The following SPINT1 variants were observed in gnomAD, a reference collection of about 807,000 sequenced individuals.
SPINT1 encodes kunitz-type protease inhibitor 1.
A neutral mutation model predicts 53.7 loss-of-function variants in SPINT1; 38 were observed. The ratio of observed to expected loss-of-function variants is 0.71; its 90% CI spans 0.55 to 0.93. The LOEUF (loss-of-function observed/expected upper bound fraction) is 0.93, where lower values mean the gene tolerates loss of function less well. Ranked by LOEUF, SPINT1 falls within the 40% of genes least tolerant of loss-of-function variation. The probability of loss-of-function intolerance (pLI) is 0.00; values close to 1 mark genes in which losing one functional copy is unlikely to be tolerated. For synonymous variants in SPINT1, 283 were observed against 280.6 expected (o/e 1.01, Z -0.08); for missense variants, 645 against 692.9 (o/e 0.93, Z 0.78).
chr15:40,854,398 G>A lies in SPINT1; in HGVS notation c.942G>A (p.Val314=), dbSNP rs770379397. 1.3e-6 allele frequency: 2 copies of A among 1,580,868 alleles called. No homozygotes were observed. Among genetic ancestry groups the A allele is most frequent in the South Asian group, 1.2e-5 (1 of 86,358 alleles). Residue 314 remains valine (V), a splice_region_variant and synonymous_variant, in exon 7 of 11, where the codon GTG becomes GTA. Transcript: ENST00000562057. ...CTGACCTCCCTTCCACCCGTCCAGT[G>A]TGCTCTGGCACCTGTCAGCCCACCC... ...QGPSMERRHP[V]CSGTCQPTQF...
At chr15:40,848,923 G>C (rs965594057) in intron 2 of SPINT1, among the ~76,000 whole-genome samples, 1 of 150,996 alleles carries the variant, frequency 6.6e-6, no homozygotes, top group Non-Finnish European at 1.5e-5. Context: ...TGTACCTTTT[G>C]GTTTTGGTTT....
At chr15:40,845,318 ATTTTTTTTT>A (rs34480117) in intron 2 of SPINT1, among the ~76,000 whole-genome samples, 10 of 58,200 alleles carry the variant, frequency 1.7e-4, no homozygotes, top group East Asian at 6.0e-4. Context: ...GACCCGGCTA[ATTTTTTTTT>A]TTTTTTTTTT....
At position 40,853,783 on chromosome 15, in the gene SPINT1, A is replaced by G; in HGVS notation, c.815A>G (p.Glu272Gly). ...CCACGCTGGTACTATGACCCCACGGAGCAGATCTGCAAGAGTTTCGTTTAT... is the reference window on the plus strand; with the variant it reads ...CCACGCTGGTACTATGACCCCACGGGGCAGATCTGCAAGAGTTTCGTTTAT... ...SFPRWYYDPT[E>G]QICKSFVYGG... The change falls in exon 5 of 11, where the codon GAG becomes GGG. Residue 272 changes from glutamate (E) to glycine (G), a missense_variant. Glu to Gly is a moderately conservative substitution (Grantham distance 98, BLOSUM62 -2). Coordinates refer to ENST00000562057, the MANE Select transcript of SPINT1 (RefSeq NM_003710.4). 1 of 1,614,180 alleles carries G rather than the reference A, an allele frequency of 6.2e-7. No individual in the cohort carries two copies. The highest frequency in any genetic ancestry group is 8.5e-7 in the Non-Finnish European group (1 of 1,180,034).
intron 2 of SPINT1, among the ~76,000 whole-genome samples, chr15:40,850,159 G>A (rs765564477): frequency 6.6e-6 from 1 of 152,036 alleles, no homozygotes; most frequent in Non-Finnish European, 1.5e-5. Flanking sequence ...CCACAACTCC[G>A]CCTCCTGAGT....
In SPINT1 at chr15:40,858,056, G is replaced by A. The variant is rs1891710412; in HGVS notation, c.*1081G>A. 2.0e-5 allele frequency: 3 copies of A among 152,038 alleles called. No homozygotes were observed. The South Asian group carries it at 6.2e-4, about 31-fold the overall frequency. 9.4% of individuals were successfully genotyped at this position (152,038 alleles called of 1,614,324 possible). ...CTGTCTCCCTCCCAACAGAAGCCCT[G>A]GCTTCTGCGCTGGAGTGCAGCACCC... On this transcript the variant is annotated 3_prime_UTR_variant, in exon 11 of 11. Coordinates refer to ENST00000562057, the MANE Select transcript of SPINT1 (RefSeq NM_003710.4).
Position 40,844,574 on chromosome 15 carries a change from T to A in SPINT1, c.20T>A (p.Met7Lys). ...AAGGCGATGGCCCCTGCGAGGACGA[T>A]GGCCCGCGCCCGCCTCGCCCCGGCC... is the stretch of plus-strand genomic sequence containing the variant. MAPART[M>K]ARARLAPAGI... Residue 7 changes from methionine (M) to lysine (K), a missense_variant, in exon 2 of 11, where the codon ATG (methionine) becomes AAG (lysine). Physicochemically the swap from Met to Lys is moderately conservative, Grantham distance 95. Transcript: ENST00000562057. This position sits in a 1 kb window ranked among gnomAD's most constrained non-coding sequence, Gnocchi z 5.8. The A allele has an allele frequency of 6.2e-7, 1 of 1,609,932 alleles. No individual in the cohort carries two copies. The highest frequency in any genetic ancestry group is 1.1e-5 in the South Asian group (1 of 90,966).
chr15:40,845,129 G>C, intron 2 of SPINT1, 100 bp downstream of exon 2: 1 of 966,746 alleles, frequency 1.0e-6, no homozygotes, highest in African/African-American at 1.7e-5. Flanking sequence ...GTTAAGGAGA[G>C]TTCACTTTTT....
At chr15:40,854,128 C>A in intron 6 of SPINT1, 42 bp downstream of exon 6, 1 of 1,519,302 alleles carries the variant, frequency 6.6e-7, no homozygotes, top group Non-Finnish European at 8.8e-7. Context: ...CCCACCACAT[C>A]TCTAGCCCAT....
rs145193299 is a variant in SPINT1 at position 40,853,915 on chromosome 15, C to T, written c.913+34C>T. The T allele has an allele frequency of 1.8e-4, 295 of 1,614,036 alleles. 1 individual carries two copies. Among genetic ancestry groups the T allele is most frequent in the Middle Eastern group, 4.9e-4 (3 of 6,062 alleles). On this transcript the variant is annotated intron_variant, in intron 5 of 10. Transcript: ENST00000562057. ...TTGAGAGGCAGCTCTGGGGCTCAGG[C>T]GACTTTCCCCCAGGGTGAGTGGTCT...
chr15:40,853,081 A>T, intron 2 of SPINT1, 43 bp from the exon 3 acceptor site: 1 of 1,599,074 alleles, frequency 6.3e-7, no homozygotes, highest in South Asian at 1.1e-5. Context: ...AGCCTGGTCC[A>T]TCTAGTGAGA....
intron 2 of SPINT1, among the ~76,000 whole-genome samples, chr15:40,845,958 T>A (rs1245651443): frequency 6.6e-6 from 1 of 152,152 alleles, no homozygotes; most frequent in East Asian, 1.9e-4. Flanking sequence ...ACAAGCCCAG[T>A]CTGCGGTTGA....
intron 2 of SPINT1, among the ~76,000 whole-genome samples, chr15:40,852,438 G>C (rs1891484935): frequency 1.3e-5 from 2 of 152,152 alleles, no homozygotes; most frequent in Admixed American, 1.3e-4. Flanking sequence ...CCCCCTACAG[G>C]CAGCGATCCT....
rs752258840 is a variant in SPINT1, at chr15:40,854,125, C to T, written c.940+39C>T. 3.6e-5 allele frequency: 55 copies of T among 1,522,128 alleles called. No homozygotes were observed. In the East Asian group the frequency reaches 1.2e-3, roughly 34 times the overall value. The allele number at this position is 1,522,128 out of a possible 1,614,324, so 94.3% of individuals were successfully genotyped here. A position where few individuals can be genotyped will look rare whatever the true frequency, so the allele number is the denominator to read the frequency against. ...CCCTCCCCATCCCCCATCCCCACCA[C>T]ATCTCTAGCCCATATCATCCCTATG... On this transcript the variant is annotated intron_variant, in intron 6 of 10. Transcript: ENST00000562057.
intron 2 of SPINT1, among the ~76,000 whole-genome samples, chr15:40,850,370 T>A (rs1444446766): frequency 6.6e-6 from 1 of 152,182 alleles, no homozygotes; most frequent in African/African-American, 2.4e-5. Context: ...CGCACCCGGC[T>A]GTTGTTTTTT....
Position 40,857,031 on chromosome 15 carries a change from C to A in SPINT1, c.*56C>A. The A allele has an allele frequency of 1.3e-6, 2 of 1,590,830 alleles. No homozygotes were observed. Among genetic ancestry groups the A allele is most frequent in the Non-Finnish European group, 1.7e-6 (2 of 1,166,084 alleles). Reference sequence around the variant, plus strand: ...TGCTTCCTGCTTGCCAAGGCAGAGGCCTGGGCTGGGAAAAACTTTGGAACC... The same window carrying A: ...TGCTTCCTGCTTGCCAAGGCAGAGGACTGGGCTGGGAAAAACTTTGGAACC... On this transcript the variant is annotated 3_prime_UTR_variant, in exon 11 of 11. Transcript: ENST00000562057.
Position 40,853,595 on chromosome 15 carries a change from C to G in SPINT1, c.710C>G (p.Thr237Arg). 2 of 1,614,030 alleles carry G rather than the reference C, an allele frequency of 1.2e-6. No individual in the cohort carries two copies. The highest frequency in any genetic ancestry group is 1.7e-6 in the Non-Finnish European group (2 of 1,179,932). ...SDHPEDTANV[T>R]VTVLSTKQTE... is the part of the protein sequence containing the mutation. ...CACCCAGAGGACACGGCCAACGTCA[C>G]AGTCACTGTGCTGTCCACCAAGCAG... Residue 237 changes from threonine (T) to arginine (R), a missense_variant, in exon 4 of 11, where the codon ACA (threonine) becomes AGA (arginine). Thr to Arg is a moderately conservative substitution (Grantham distance 71). Transcript: ENST00000562057.
chr15:40,856,964 C>G lies in SPINT1; in HGVS notation c.1531C>G (p.Arg511Gly). 1.2e-6 allele frequency: 2 copies of G among 1,614,074 alleles called. No individual in the cohort carries two copies. Among genetic ancestry groups the G allele is most frequent in the Non-Finnish European group, 1.7e-6 (2 of 1,179,962 alleles). The change falls in exon 11 of 11, where the codon CGG (arginine) becomes GGG (glycine). Residue 511 changes from arginine to glycine, a missense_variant. Arg to Gly is a moderately radical substitution (Grantham distance 125). Transcript: ENST00000562057. The part of the protein sequence containing the change: ...TEHLVYNHTT[R>G]PL Reference sequence around the variant, plus strand: ...GCACCTGGTCTATAACCACACCACGCGGCCCCTCTGAGCCTGGGTCTCACC... The same window carrying G: ...GCACCTGGTCTATAACCACACCACGGGGCCCCTCTGAGCCTGGGTCTCACC...
At chr15:40,856,668 A>G in intron 10 of SPINT1, 102 bp from the exon 11 acceptor site, 5 of 1,563,240 alleles carry the variant, frequency 3.2e-6, no homozygotes, top group Non-Finnish European at 4.3e-6. Flanking sequence ...ATGTCCTTCC[A>G]TACCTGGCAT....
At chr15:40,851,322 T>G (rs975845293) in intron 2 of SPINT1, among the ~76,000 whole-genome samples, 4 of 152,054 alleles carry the variant, frequency 2.6e-5, no homozygotes, top group African/African-American at 9.7e-5. Context: ...CCCAGCTAAT[T>G]TTTTGTATTT....
Sources: allele counts gnomAD v4.1 joint callset (sites outside exome capture counted in the v4.1 genomes callset), GRCh38; gene constraint gnomAD v4.1.1; non-coding constraint Gnocchi (gnomAD v3.1); transcripts MANE v1.5; gene names NCBI Gene and HGNC (gene_info 2026-07-23, HGNC 2026-07-21).